The following TCF12 variants were observed in gnomAD, a reference collection of about 807,000 sequenced individuals.
TCF12 encodes the protein DNA-binding protein HTF4.
Under a neutral mutation model 86.0 loss-of-function variants are expected in TCF12, and 45 were observed. That is an observed-to-expected ratio of 0.52 (90% confidence interval 0.41 to 0.67). TCF12 has a LOEUF of 0.67. Among genes scored for constraint, TCF12 ranks in the 30% least tolerant of loss-of-function variants. The probability of loss-of-function intolerance (pLI) is 0.00; values close to 1 mark genes in which losing one functional copy is unlikely to be tolerated. For synonymous variants in TCF12, 330 were observed against 299.6 expected (o/e 1.10, Z -1.05); for missense variants, 881 against 859.9 (o/e 1.02, Z -0.31).
intron 5 of TCF12, among the ~76,000 whole-genome samples, chr15:57,111,931 A>G (rs1392233774): frequency 1.3e-5 from 2 of 152,164 alleles, no homozygotes; most frequent in Non-Finnish European, 2.9e-5. Context: ...AAGAGGAGAA[A>G]GTGCAGAGTT....
intron 3 of TCF12, among the ~76,000 whole-genome samples, chr15:57,056,434 A>G (rs573111586): frequency 2.6e-4 from 40 of 152,004 alleles, no homozygotes; most frequent in African/African-American, 8.7e-4. Context: ...GAGCCACTGC[A>G]CCCAGCCAAT....
chr15:57,082,860 T>G (rs2048397921), intron 4 of TCF12, among the ~76,000 whole-genome samples: 1 of 152,190 alleles, frequency 6.6e-6, no homozygotes, highest in African/African-American at 2.4e-5. Flanking sequence ...AGGAGACATA[T>G]TCCTAAAATG....
At chr15:56,920,107 C>T (rs2059714240) in intron 2 of TCF12, 119 bp downstream of exon 2, 1 of 1,092,078 alleles carries the variant, frequency 9.2e-7, no homozygotes, top group Non-Finnish European at 1.3e-6. Flanking sequence ...GCGTGAACTC[C>T]ATCTGCTTTC....
intron 3 of TCF12, among the ~76,000 whole-genome samples, chr15:56,922,074 A>T (rs370129470): frequency 2.6e-5 from 4 of 151,810 alleles, no homozygotes; most frequent in African/African-American, 9.7e-5. Flanking sequence ...GCAAGTCCCA[A>T]CTCTTCTCTC....
Position 57,180,806 on chromosome 15 carries a change from A to ATTTTTTTTT in TCF12, c.391-11334_391-11326dup, listed in dbSNP as rs34557385. Among the ~76,000 whole-genome samples the ATTTTTTTTT allele has an allele frequency of 3.6e-3, 294 of 82,120 alleles. 30 individuals carry two copies. The highest frequency in any genetic ancestry group is 6.0e-3 in the African/African-American group (118 of 19,516). The allele number at this position is 82,120 out of a possible 152,430, so 53.9% of individuals were successfully genotyped here. A position where few individuals can be genotyped will look rare whatever the true frequency, so the allele number is the denominator to read the frequency against. On this transcript the variant is annotated intron_variant, in intron 6 of 20. Transcript: ENST00000333725. ...TTTTAATCATAAAATGATGCTAATA[A>ATTTTTTTTT]TTTTTTTTTTTTTTTTTTTTTTTTT...
chr15:57,247,469 T>C, intron 13 of TCF12: 4 of 725,608 alleles, frequency 5.5e-6, no homozygotes, highest in Non-Finnish European at 1.0e-5. Context: ...TTCACAGTTA[T>C]GCCCATTAAT....
chr15:57,192,342 T>G, intron 7 of TCF12, 49 bp downstream of exon 7: 1 of 1,596,936 alleles, frequency 6.3e-7, no homozygotes, highest in Non-Finnish European at 8.5e-7. Context: ...TGTTGTTGTT[T>G]TTTCCTCCCA....
At chr15:57,067,307 G>A (rs1350711591) in intron 4 of TCF12, among the ~76,000 whole-genome samples, 10 of 151,980 alleles carry the variant, frequency 6.6e-5, no homozygotes, top group Non-Finnish European at 5.9e-5. Flanking sequence ...TTGGGAGGCC[G>A]AGGCGGGCGG....
At chr15:57,253,124 C>A in intron 15 of TCF12, 138 bp from the exon 16 acceptor site, 1 of 801,338 alleles carries the variant, frequency 1.2e-6, no homozygotes, top group Admixed American at 2.4e-5. Context: ...ATTTATAGTT[C>A]AGGTGGTTGC....
chr15:56,965,628 A>G (rs1335511505), intron 3 of TCF12, among the ~76,000 whole-genome samples: 1 of 152,176 alleles, frequency 6.6e-6, no homozygotes, highest in African/African-American at 2.4e-5. Context: ...TAAAATACAG[A>G]ATTAAGTTCA....
chr15:57,228,773 C>T (rs1256585550), intron 8 of TCF12, among the ~76,000 whole-genome samples: 25 of 151,296 alleles, frequency 1.7e-4, no homozygotes, highest in Admixed American at 1.4e-3. Flanking sequence ...TGAAATACAG[C>T]GAATTGAATG....
chr15:57,212,982 C>G lies in TCF12; in HGVS notation c.579+15157C>G, dbSNP rs570050817. Among the ~76,000 whole-genome samples, 5 of 152,294 alleles carry G rather than the reference C, an allele frequency of 3.3e-5. No homozygotes were observed. In the South Asian group the frequency reaches 1.0e-3, roughly 32 times the overall value. On this transcript the variant is annotated intron_variant, in intron 8 of 20. Coordinates refer to ENST00000333725, the MANE Select transcript of TCF12 (RefSeq NM_207037.2). ...GAATGATAGGGAGAATACTTCTGCC[C>G]TACTGCATACACATGTGCTACTGCT...
intron 6 of TCF12, among the ~76,000 whole-genome samples, chr15:57,178,559 C>T (rs1217654832): frequency 1.3e-5 from 2 of 152,102 alleles, no homozygotes; most frequent in African/African-American, 4.8e-5. Context: ...CCACGAATAC[C>T]AAAGAGAAAT....
intron 4 of TCF12, among the ~76,000 whole-genome samples, chr15:57,078,896 A>G (rs1436427319): frequency 2.0e-5 from 3 of 152,200 alleles, no homozygotes; most frequent in Non-Finnish European, 4.4e-5. Context: ...TTATATCACA[A>G]TTAGCTTTAG....
In TCF12 at chr15:57,284,850, A is replaced by G. The variant is rs548244725; in HGVS notation, c.*12-1307A>G. 2.6e-5 allele frequency among the ~76,000 whole-genome samples: 4 copies of G among 152,306 alleles called. No individual in the cohort carries two copies. The South Asian group carries it at 8.3e-4, about 32-fold the overall frequency. On this transcript the variant is annotated intron_variant, in intron 20 of 20. Coordinates refer to ENST00000333725, the MANE Select transcript of TCF12 (RefSeq NM_207037.2). The stretch of plus-strand genomic sequence containing the variant: ...TGCTTTTACTACTTCTCTATTTCAT[A>G]CTGCTCTCATAGCTCTACCTTTATC...
At chr15:57,144,233 A>G (rs1197704184) in intron 5 of TCF12, among the ~76,000 whole-genome samples, 1 of 152,160 alleles carries the variant, frequency 6.6e-6, no homozygotes, top group Non-Finnish European at 1.5e-5. Context: ...CTAAACTGAG[A>G]TGGTGATTGT....
intron 4 of TCF12, among the ~76,000 whole-genome samples, chr15:57,078,823 A>G (rs2070369254): frequency 6.6e-6 from 1 of 152,196 alleles, no homozygotes; most frequent in Non-Finnish European, 1.5e-5. Context: ...AGCAGACAAG[A>G]AATCCATTTC....
chr15:57,078,566 A>G (rs944439384), intron 4 of TCF12, among the ~76,000 whole-genome samples: 10 of 152,202 alleles, frequency 6.6e-5, no homozygotes, highest in African/African-American at 2.4e-4. Context: ...TGCCTAATGT[A>G]TTATAGGCAG....
At chr15:57,192,729 A>T (rs1271424102) in intron 7 of TCF12, among the ~76,000 whole-genome samples, 3 of 152,238 alleles carry the variant, frequency 2.0e-5, no homozygotes, top group African/African-American at 7.2e-5. Context: ...ATTCGTGGGT[A>T]TCACATTGAT....
Sources: gnomAD v4.1 joint callset for allele counts (sites outside exome capture counted in the v4.1 genomes callset) on GRCh38, gnomAD v4.1.1 for gene constraint, MANE v1.5 for transcripts, NCBI Gene and HGNC (gene_info 2026-07-23, HGNC 2026-07-21) for gene names.